TFEC: variants seen among roughly 807,000 people sequenced by gnomAD.
TFEC encodes the protein transcription factor EC, also known as class E basic helix-loop-helix protein 34.
In TFEC, 31 loss-of-function variants were observed where a neutral mutation model predicts 41.6. The observed-to-expected ratio is 0.74, with a 90% CI of 0.56 to 1.01. TFEC has a LOEUF of 1.01. Ranked by LOEUF, TFEC falls within the 50% of genes least tolerant of loss-of-function variation. The pLI is 0.00. For missense variants in TFEC, 402 were observed against 404.1 expected, an observed-to-expected ratio of 0.99 and a Z score of 0.04; for synonymous variants, 143 against 140.6, an observed-to-expected ratio of 1.02 and a Z score of -0.12.
chr7:116,081,118 T>C (rs1201373457), intron 3 of TFEC, among the ~76,000 whole-genome samples: 2 of 151,722 alleles, frequency 1.3e-5, no homozygotes, highest in Non-Finnish European at 2.9e-5. Flanking sequence ...ACCTCCGGAA[T>C]AGAATACCAA....
At chr7:116,052,930 G>A (rs537367764) in intron 3 of TFEC, among the ~76,000 whole-genome samples, 142 of 152,062 alleles carry the variant, frequency 9.3e-4, no homozygotes, top group African/African-American at 3.3e-3. Flanking sequence ...AAATTAGCTG[G>A]GCTTGGTGGC....
At chr7:116,124,259 C>T (rs893391318) in intron 1 of TFEC, among the ~76,000 whole-genome samples, 3 of 151,922 alleles carry the variant, frequency 2.0e-5, no homozygotes, top group African/African-American at 7.3e-5. Flanking sequence ...GGAGCTCACT[C>T]AGACAAAGAG....
In TFEC at chr7:115,990,315, G is replaced by A. The variant is rs372892912; in HGVS notation, c.-72-5802C>T. On this transcript the variant is annotated intron_variant, in intron 1 of 7. Coordinates refer to ENST00000265440, the MANE Select transcript of TFEC (RefSeq NM_012252.4). ...AAGCTGAAAATTCTAAAATCAGAGC[G>A]CTTCTTCTCCACCAAAGGAGCGCGG... Among the ~76,000 whole-genome samples the A allele has an allele frequency of 2.1e-4, 32 of 152,286 alleles. 1 individual carries two copies. Among genetic ancestry groups the A allele is most frequent in the Non-Finnish European group, 3.1e-4 (21 of 68,032 alleles).
At chr7:115,951,382 T>C (rs1791934682) in intron 5 of TFEC, among the ~76,000 whole-genome samples, 1 of 152,112 alleles carries the variant, frequency 6.6e-6, no homozygotes, top group Admixed American at 6.6e-5. Context: ...TAGCACATAG[T>C]AGGTCTGTGT....
chr7:116,094,688 C>A (rs567182288), intron 3 of TFEC, among the ~76,000 whole-genome samples: 1 of 151,828 alleles, frequency 6.6e-6, no homozygotes. Flanking sequence ...TCAAACAAAA[C>A]AAAACAAAAT....
intron 1 of TFEC, among the ~76,000 whole-genome samples, chr7:116,158,179 C>T (rs1360387250): frequency 6.6e-6 from 1 of 152,054 alleles, no homozygotes; most frequent in African/African-American, 2.4e-5. Context: ...TTGGAAGAGG[C>T]ATTCTCTGAG....
chr7:116,021,609 T>C (rs1241663290), intron 1 of TFEC, among the ~76,000 whole-genome samples: 4 of 152,188 alleles, frequency 2.6e-5, no homozygotes, highest in Non-Finnish European at 5.9e-5. Context: ...TTATTTAAAG[T>C]AGATTCTGGT....
intron 2 of TFEC, among the ~76,000 whole-genome samples, chr7:115,980,610 C>G (rs1243275818): frequency 6.6e-6 from 1 of 151,894 alleles, no homozygotes; most frequent in Non-Finnish European, 1.5e-5. Flanking sequence ...ATTAGCTGGG[C>G]GTGGTGGCTT....
At chr7:115,975,797 T>C (rs1793351974) in intron 2 of TFEC, among the ~76,000 whole-genome samples, 1 of 152,156 alleles carries the variant, frequency 6.6e-6, no homozygotes, top group Admixed American at 6.6e-5. Context: ...GAAAGGGTCA[T>C]CCTTGGGAAA....
intron 3 of TFEC, among the ~76,000 whole-genome samples, chr7:116,045,285 T>C (rs1796137177): frequency 6.6e-6 from 1 of 152,244 alleles, no homozygotes; most frequent in Non-Finnish European, 1.5e-5. Context: ...CTTGTTATAT[T>C]TTAGCAATGA....
chr7:115,975,161 T>C (rs1793324900), intron 2 of TFEC, among the ~76,000 whole-genome samples: 1 of 152,016 alleles, frequency 6.6e-6, no homozygotes, highest in Non-Finnish European at 1.5e-5. Context: ...TTTCCTTCCC[T>C]TCTGTACTTT....
intron 3 of TFEC, among the ~76,000 whole-genome samples, chr7:115,962,470 T>C (rs1792606869): frequency 6.6e-6 from 1 of 151,774 alleles, no homozygotes; most frequent in Non-Finnish European, 1.5e-5. Flanking sequence ...AAATCTGTGC[T>C]AGTGTGAGTC....
chr7:116,110,910 C>T (rs1020403248), exon 3 of TFEC: 23 of 1,512,482 alleles, frequency 1.5e-5, no homozygotes, highest in Non-Finnish European at 1.8e-5. Flanking sequence ...TAACATATTT[C>T]TCTTCTTTTC....
intron 1 of TFEC, among the ~76,000 whole-genome samples, chr7:116,128,887 T>TA (rs1391954344): frequency 6.6e-6 from 1 of 152,130 alleles, no homozygotes; most frequent in Non-Finnish European, 1.5e-5. Context: ...TAGAGGTAGA[T>TA]ACATTTGCTA....
rs1475095862 is a variant in TFEC at position 116,107,272 on chromosome 7, C to A, written c.198+3436G>T. Among the ~76,000 whole-genome samples, 12 of 152,158 alleles carry A rather than the reference C, an allele frequency of 7.9e-5. No individual in the cohort carries two copies. In the South Asian group the frequency reaches 1.2e-3, roughly 16 times the overall value. ...TTGCCTCCCAATTATAATAACAGAC[C>A]ATCCCCTCCCTCTCTCCCTACAGCC... On this transcript the variant is annotated intron_variant, in intron 3 of 8. Coordinates refer to the TFEC transcript ENST00000484212.
chr7:115,961,273 A>G (rs182671532), intron 3 of TFEC, among the ~76,000 whole-genome samples: 381 of 151,808 alleles, frequency 2.5e-3, no homozygotes, highest in Non-Finnish European at 4.0e-3. Context: ...AACACATTTC[A>G]TAGAGTGATT....
chr7:116,155,353 T>G (rs1383520454), intron 1 of TFEC, among the ~76,000 whole-genome samples: 1 of 152,210 alleles, frequency 6.6e-6, no homozygotes, highest in East Asian at 1.9e-4. Context: ...ATTTAAGATA[T>G]CGAAGGACTA....
At chr7:116,084,245 T>G (rs1186167566) in intron 3 of TFEC, among the ~76,000 whole-genome samples, 1 of 151,890 alleles carries the variant, frequency 6.6e-6, no homozygotes, top group Admixed American at 6.6e-5. Context: ...CTAAAATATT[T>G]TCACTAGTTT....
intron 1 of TFEC, among the ~76,000 whole-genome samples, chr7:116,155,514 C>G (rs969970632): frequency 6.6e-6 from 1 of 151,976 alleles, no homozygotes; most frequent in African/African-American, 2.4e-5. Flanking sequence ...AAGTTGATCC[C>G]ATTAAACTCA....
Sources: allele counts gnomAD v4.1 joint callset (sites outside exome capture counted in the v4.1 genomes callset), GRCh38; gene constraint gnomAD v4.1.1; transcripts MANE v1.5; gene names NCBI Gene and HGNC (gene_info 2026-07-23, HGNC 2026-07-21).